Variants in VAMP4 observed in about 807,000 individuals in gnomAD.
VAMP4 encodes vesicle associated membrane protein 4.
In VAMP4, 19 loss-of-function variants were observed where a neutral mutation model predicts 23.5. The ratio of observed to expected loss-of-function variants is 0.81; its 90% CI spans 0.56 to 1.19. VAMP4 has a LOEUF of 1.19. Among genes scored for constraint, VAMP4 ranks in the 50% most tolerant of loss-of-function variants. VAMP4 has a pLI of 0.00. For missense variants in VAMP4, 145 were observed against 168.6 expected (o/e 0.86, Z 0.78); for synonymous variants, 31 against 51.0 (o/e 0.61, Z 1.67).
At chr1:171,728,482 T>C in intron 3 of VAMP4, 42 bp downstream of exon 3, 1 of 1,454,272 alleles carries the variant, frequency 6.9e-7, no homozygotes, top group Non-Finnish European at 9.2e-7. Context: ...GCATGTATTG[T>C]ATGTCAATTA....
At position 171,700,369 on chromosome 1, in the gene VAMP4, TTAAATAA is replaced by T. The variant is rs1654387674; in HGVS notation, c.*4130_*4136del. On this transcript the variant is annotated 3_prime_UTR_variant, in exon 8 of 8. Coordinates refer to ENST00000236192, the MANE Select transcript of VAMP4 (RefSeq NM_003762.5). ...ACATCAAAGGCACTTACCAAAGTGATTAAATAAGGGAGTGTGGAATTTAAAATAATGA... is the reference window on the plus strand; with the variant it reads ...ACATCAAAGGCACTTACCAAAGTGATGGGAGTGTGGAATTTAAAATAATGA... 6.6e-6 allele frequency: 1 copy of T among 152,184 alleles called. No homozygotes were observed. The highest frequency in any genetic ancestry group is 6.5e-5 in the Admixed American group (1 of 15,276). 9.4% of individuals were successfully genotyped at this position (152,184 alleles called of 1,614,324 possible).
intron 2 of VAMP4, among the ~76,000 whole-genome samples, chr1:171,729,858 T>C (rs944927032): frequency 6.6e-6 from 1 of 152,120 alleles, no homozygotes; most frequent in African/African-American, 2.4e-5. Flanking sequence ...ATGTGTTACC[T>C]TGCATGGTAA....
intron 4 of VAMP4, among the ~76,000 whole-genome samples, chr1:171,718,470 C>G (rs1177159244): frequency 6.6e-6 from 1 of 152,148 alleles, no homozygotes; most frequent in Non-Finnish European, 1.5e-5. Flanking sequence ...TCCTTCTCCC[C>G]TCCAGTCAGG....
At chr1:171,718,774 C>G (rs1345756883) in intron 4 of VAMP4, among the ~76,000 whole-genome samples, 1 of 152,094 alleles carries the variant, frequency 6.6e-6, no homozygotes, top group Non-Finnish European at 1.5e-5. Context: ...ATGGATTTGA[C>G]ATAAGGTAAT....
intron 7 of VAMP4, 79 bp from the exon 8 acceptor site, chr1:171,704,613 A>T: frequency 9.1e-7 from 1 of 1,101,496 alleles, no homozygotes; most frequent in Admixed American, 2.8e-5. Context: ...TCCTAAATGT[A>T]GTTGTGTCTA....
chr1:171,712,432 G>C (rs891841110), intron 4 of VAMP4, among the ~76,000 whole-genome samples: 12 of 152,024 alleles, frequency 7.9e-5, no homozygotes, highest in African/African-American at 2.7e-4. Context: ...AGACATAGGT[G>C]GATTCAGAAG....
At chr1:171,721,197 A>C (rs1655183421) in intron 3 of VAMP4, among the ~76,000 whole-genome samples, 1 of 152,140 alleles carries the variant, frequency 6.6e-6, no homozygotes, top group Non-Finnish European at 1.5e-5. Context: ...ATGCAATGAA[A>C]ATGAAACATA....
At chr1:171,732,281 G>C (rs557934451) in intron 2 of VAMP4, among the ~76,000 whole-genome samples, 12 of 151,676 alleles carry the variant, frequency 7.9e-5, no homozygotes, top group South Asian at 2.1e-4. Flanking sequence ...AGCACTTTGG[G>C]AGGCCAAAGT....
intron 2 of VAMP4, among the ~76,000 whole-genome samples, chr1:171,735,616 G>C (rs767091384): frequency 5.3e-5 from 8 of 152,156 alleles, no homozygotes; most frequent in Non-Finnish European, 1.2e-4. Flanking sequence ...CTCTGGGTAA[G>C]TGACTAAAGA....
chr1:171,719,128 C>T (rs778477286), intron 4 of VAMP4, 43 bp downstream of exon 4: 11 of 1,583,356 alleles, frequency 6.9e-6, no homozygotes, highest in African/African-American at 1.4e-5. Flanking sequence ...CTCTAGTCTA[C>T]ACAGAAATAT....
At chr1:171,709,803 A>T in intron 5 of VAMP4, 59 bp from the exon 6 acceptor site, 1 of 1,274,948 alleles carries the variant, frequency 7.8e-7, no homozygotes, top group Non-Finnish European at 1.1e-6. Flanking sequence ...TCTTTTATCT[A>T]GTCACACAAA....
chr1:171,719,123 G>T, intron 4 of VAMP4, 48 bp downstream of exon 4: 1 of 1,567,162 alleles, frequency 6.4e-7, no homozygotes, highest in Middle Eastern at 1.7e-4. Context: ...CCAATCTCTA[G>T]TCTACACAGA....
rs149276030 is a variant in VAMP4 at position 171,737,015 on chromosome 1, G to T, written c.66+1334C>A. 4.0e-3 allele frequency among the ~76,000 whole-genome samples: 602 copies of T among 152,158 alleles called. 3 individuals are homozygous for T. Among genetic ancestry groups the T allele is most frequent in the Non-Finnish European group, 6.6e-3 (447 of 67,990 alleles). ...CAAACCATCAGAAACACACAAAACCGCAAAAGCTGTACAAAGGGTTAGAAT... is the reference window on the plus strand; with the variant it reads ...CAAACCATCAGAAACACACAAAACCTCAAAAGCTGTACAAAGGGTTAGAAT... On this transcript the variant is annotated intron_variant, in intron 2 of 7. Coordinates refer to ENST00000236192, the MANE Select transcript of VAMP4 (RefSeq NM_003762.5).
At chr1:171,732,409 T>C (rs551431873) in intron 2 of VAMP4, among the ~76,000 whole-genome samples, 35 of 151,442 alleles carry the variant, frequency 2.3e-4, no homozygotes, top group African/African-American at 8.2e-4. Context: ...TGGTGGCTCA[T>C]GCCTGTAGTC....
At position 171,738,372 on chromosome 1, in the gene VAMP4, T is replaced by A. The variant is rs145814595; in HGVS notation, c.43A>T (p.Thr15Ser). The A allele has an allele frequency of 1.4e-5, 23 of 1,614,082 alleles. No individual in the cohort carries two copies. The African/African-American group carries it at 2.8e-4, about 20-fold the overall frequency. The change falls in exon 2 of 8, where the codon ACA becomes TCA. Residue 15 changes from threonine (T) to serine (S), a missense_variant. Physicochemically the swap from Thr to Ser is moderately conservative, Grantham distance 58 (BLOSUM62 1). Transcript: ENST00000236192. ...FKRHLNDDDV[T>S]GSVKSERRNL... Reference sequence around the variant, plus strand: ...ACCCTTTCACTTTTCACAGAACCTGTGACATCATCATCATTGAGGTGGCGC... The same window carrying A: ...ACCCTTTCACTTTTCACAGAACCTGAGACATCATCATCATTGAGGTGGCGC...
intron 2 of VAMP4, 71 bp from the exon 3 acceptor site, chr1:171,728,641 A>T: frequency 6.9e-7 from 1 of 1,440,136 alleles, no homozygotes; most frequent in Non-Finnish European, 9.3e-7. Context: ...AGGAGTAATG[A>T]AATAAGTCCT....
At chr1:171,720,327 A>G (rs1245870664) in intron 3 of VAMP4, among the ~76,000 whole-genome samples, 4 of 151,980 alleles carry the variant, frequency 2.6e-5, no homozygotes, top group African/African-American at 4.8e-5. Context: ...ATAGAATCTG[A>G]AAAGTACTGA....
chr1:171,712,404 C>T (rs1654876989), intron 4 of VAMP4, among the ~76,000 whole-genome samples: 2 of 152,060 alleles, frequency 1.3e-5, no homozygotes, highest in African/African-American at 2.4e-5. Context: ...GCTATAAAAA[C>T]AAAATGAAGG....
chr1:171,722,400 C>T (rs1655224686), intron 3 of VAMP4, among the ~76,000 whole-genome samples: 1 of 152,134 alleles, frequency 6.6e-6, no homozygotes, highest in African/African-American at 2.4e-5. Flanking sequence ...CCAAAATTGA[C>T]AAATGGGATC....
Sources: allele counts gnomAD v4.1 joint callset (sites outside exome capture counted in the v4.1 genomes callset), GRCh38; gene constraint gnomAD v4.1.1; transcripts MANE v1.5; gene names NCBI Gene and HGNC (gene_info 2026-07-23, HGNC 2026-07-21).